Variants in FRY observed in about 807,000 individuals in gnomAD.
The protein encoded by FRY is protein furry homolog.
A neutral mutation model predicts 348.4 loss-of-function variants in FRY; 128 were observed. The ratio of observed to expected loss-of-function variants is 0.37; its 90% CI spans 0.32 to 0.43. FRY has a LOEUF of 0.43. Among genes scored for constraint, FRY ranks in the 20% least tolerant of loss-of-function variants. FRY has a pLI of 1.00. For synonymous variants in FRY, 1,370 were observed against 1,374.7 expected, an observed-to-expected ratio of 1.00 and a Z score of 0.08; for missense variants, 2,736 against 3,695.2, an observed-to-expected ratio of 0.74 and a Z score of 6.73.
chr13:32,067,299 G>C (rs1874321009), intron 1 of FRY, among the ~76,000 whole-genome samples: 1 of 152,158 alleles, frequency 6.6e-6, no homozygotes, highest in South Asian at 2.1e-4. Context: ...GCCCAGAACA[G>C]AGACTAGGCC....
At position 32,078,907 on chromosome 13, in the gene FRY, G is replaced by T; in HGVS notation, c.144G>T (p.Pro48=). Residue 48 remains proline (P), a synonymous_variant, in exon 2 of 61, where the codon CCG becomes CCT. Transcript: ENST00000542859. ...PASGTHREKG[P]PTMLPINVDP... is the part of the protein sequence containing the mutation. ...CTGGCACGCACAGGGAGAAAGGGCC[G>T]CCAACCATGCTACCCATCAATGTGG... 6.2e-7 allele frequency: 1 copy of T among 1,613,898 alleles called. No individual in the cohort carries two copies. The highest frequency in any genetic ancestry group is 8.5e-7 in the Non-Finnish European group (1 of 1,179,834).
Position 32,173,541 on chromosome 13 carries a change from C to A in FRY, c.2326C>A (p.Gln776Lys). Residue 776 changes from glutamine to lysine, a missense_variant, in exon 19 of 61, where the codon CAG (glutamine) becomes AAG (lysine). Coordinates refer to ENST00000542859, the MANE Select transcript of FRY (RefSeq NM_023037.3). ...TCGAGCGTTGTTTATTGCCCTGGGG[C>A]AGCCTGAGGTATGGATTAGTCTTCT... is the stretch of plus-strand genomic sequence containing the variant. ...EIRALFIALG[Q>K]PEDDDRPMID... The A allele has an allele frequency of 6.2e-7, 1 of 1,612,362 alleles. No individual in the cohort carries two copies. The highest frequency in any genetic ancestry group is 8.5e-7 in the Non-Finnish European group (1 of 1,178,752).
At chr13:32,172,750 C>T (rs889476924) in intron 18 of FRY, among the ~76,000 whole-genome samples, 1 of 152,070 alleles carries the variant, frequency 6.6e-6, no homozygotes, top group African/African-American at 2.4e-5. Context: ...TTCTCCCTTC[C>T]CTGTGTTGTA....
intron 3 of FRY, among the ~76,000 whole-genome samples, chr13:32,107,522 T>G (rs192987071): frequency 7.2e-5 from 11 of 152,206 alleles, no homozygotes; most frequent in African/African-American, 2.4e-4. Flanking sequence ...TTTCACAAAC[T>G]TCAGGAATAT....
rs748056145 is a variant in FRY, at chr13:32,239,227, C to A, written c.6419-25C>A. 1.9e-5 allele frequency: 25 copies of A among 1,336,724 alleles called. No homozygotes were observed. Among genetic ancestry groups the A allele is most frequent in the Admixed American group, 8.4e-5 (5 of 59,652 alleles). 82.8% of individuals were successfully genotyped at this position (1,336,724 alleles called of 1,614,324 possible). A position where few individuals can be genotyped will look rare whatever the true frequency, so the allele number is the denominator to read the frequency against. On this transcript the variant is annotated intron_variant, in intron 44 of 60. Transcript: ENST00000542859. The surrounding 1 kb of genome is among the most constrained non-coding windows in gnomAD (Gnocchi z 4.3). ...GCTAAAATATACCATATTCAGCTAT[C>A]TCCATTGTATCTTCTCTAATCCAGG... is the stretch of plus-strand genomic sequence containing the variant.
chr13:32,156,601 CAAAA>C (rs60522324), intron 15 of FRY, among the ~76,000 whole-genome samples: 29,380 of 112,180 alleles, frequency 0.26, 2,972 homozygotes, highest in Middle Eastern at 0.38. Context: ...AGCTCCATCT[CAAAA>C]AAAAAAAAAA....
rs778418931 is a variant in FRY, at chr13:32,147,872, C to G, written c.1317C>G (p.Pro439=). 1.2e-6 allele frequency: 2 copies of G among 1,611,026 alleles called. No homozygotes were observed. The highest frequency in any genetic ancestry group is 2.2e-5 in the South Asian group (2 of 91,010). Residue 439 remains proline (P), a synonymous_variant, in exon 13 of 61, where the codon CCC becomes CCG. Coordinates refer to ENST00000542859, the MANE Select transcript of FRY (RefSeq NM_023037.3). ...RLITIITTLF[P]KGSRGVVPRD... is the part of the protein sequence containing the mutation. ...TAACCATCATCACAACACTTTTCCC[C>G]AAAGGGTCCCGCGGTGTGGTACCAA...
chr13:32,237,716 G>T lies in FRY; in HGVS notation c.6148G>T (p.Ala2050Ser). The T allele has an allele frequency of 6.2e-7, 1 of 1,614,140 alleles. No individual in the cohort carries two copies. Among genetic ancestry groups the T allele is most frequent in the South Asian group, 1.1e-5 (1 of 91,078 alleles). ...LLATIFWVTV[A>S]LMESDFEFEY... ...GGCCACCATATTCTGGGTCACAGTG[G>T]CCTTGATGGAGTCTGATTTTGAGTT... The change falls in exon 44 of 61, where the codon GCC (alanine) becomes TCC (serine). Residue 2050 changes from alanine to serine, a missense_variant. Physicochemically the swap from Ala to Ser is moderately conservative, Grantham distance 99 (BLOSUM62 1). This residue lies in a region of FRY where 789 missense variants were observed against 996.2 expected (regional missense o/e 0.79). Transcript: ENST00000542859. The surrounding 1 kb of genome is among the most constrained non-coding windows in gnomAD (Gnocchi z 6.3).
rs761472524 is a variant in FRY at position 32,267,204 on chromosome 13, C to T, written c.7981C>T (p.Pro2661Ser). 3 of 1,614,052 alleles carry T rather than the reference C, an allele frequency of 1.9e-6. No homozygotes were observed. Among genetic ancestry groups the T allele is most frequent in the Non-Finnish European group, 2.5e-6 (3 of 1,180,022 alleles). ...GEGDRGVSPP[P>S]SPFFSAILAA... is the part of the protein sequence containing the mutation. ...AGGTGACAGGGGAGTCTCTCCCCCT[C>T]CCTCGCCCTTCTTCTCAGCCATCCT... The change falls in exon 55 of 61, where the codon CCC (proline) becomes TCC (serine). Residue 2661 changes from proline to serine, a missense_variant. Pro to Ser is a moderately conservative substitution (Grantham distance 74, BLOSUM62 -1). Coordinates refer to ENST00000542859, the MANE Select transcript of FRY (RefSeq NM_023037.3).
intron 15 of FRY, 66 bp from the exon 16 acceptor site, chr13:32,157,207 A>G: frequency 6.9e-7 from 1 of 1,450,146 alleles, no homozygotes; most frequent in African/African-American, 1.4e-5. Context: ...ATTATAGAGG[A>G]TGAATAAATC....
chr13:32,098,444 G>A (rs565463581), intron 2 of FRY, among the ~76,000 whole-genome samples: 1 of 152,052 alleles, frequency 6.6e-6, no homozygotes, highest in East Asian at 1.9e-4. Context: ...GGTGCTCGGT[G>A]CCTCACTCAT....
chr13:32,220,248 A>G (rs1363585123), intron 36 of FRY, among the ~76,000 whole-genome samples: 1 of 152,216 alleles, frequency 6.6e-6, no homozygotes, highest in South Asian at 2.1e-4. Flanking sequence ...GGTAGTTCCA[A>G]TAAGGCCACA....
intron 41 of FRY, among the ~76,000 whole-genome samples, chr13:32,232,723 A>C (rs747983379): frequency 1.8e-4 from 28 of 152,204 alleles, no homozygotes; most frequent in Non-Finnish European, 3.2e-4. Context: ...TCCACATCCC[A>C]TGGGCCAGAA....
Position 32,185,772 on chromosome 13 carries a change from C to T in FRY, c.3320-488C>T, listed in dbSNP as rs574041146. Among the ~76,000 whole-genome samples, 3 of 152,262 alleles carry T rather than the reference C, an allele frequency of 2.0e-5. No individual in the cohort carries two copies. In the South Asian group the frequency reaches 6.2e-4, roughly 32 times the overall value. ...TATCAACTAATATTTCCGCTTTTCGCTATTTTGATGTTAATAACCTTCTTT... is the reference window on the plus strand; with the variant it reads ...TATCAACTAATATTTCCGCTTTTCGTTATTTTGATGTTAATAACCTTCTTT... On this transcript the variant is annotated intron_variant, in intron 26 of 60. Coordinates refer to ENST00000542859, the MANE Select transcript of FRY (RefSeq NM_023037.3).
rs1174489680 is a variant in FRY, at chr13:32,136,879, C to T, written c.1086C>T (p.Tyr362=). ...SSRKKHSLAL[Y]PLVTCLLCVS... ...CTCTCCTTTCTCCTCAGGCCTTGTA[C>T]CCCCTGGTGACCTGTTTGCTCTGTG... Residue 362 remains tyrosine, a synonymous_variant, in exon 11 of 61, where the codon TAC becomes TAT. Coordinates refer to ENST00000542859, the MANE Select transcript of FRY (RefSeq NM_023037.3). 3 of 1,586,708 alleles carry T rather than the reference C, an allele frequency of 1.9e-6. No homozygotes were observed. Among genetic ancestry groups the T allele is most frequent in the Non-Finnish European group, 1.7e-6 (2 of 1,155,040 alleles).
intron 2 of FRY, among the ~76,000 whole-genome samples, chr13:32,095,350 T>C: frequency 8.2e-6 from 1 of 121,912 alleles, no homozygotes; most frequent in East Asian, 2.2e-4. Flanking sequence ...TTTTTTTTTT[T>C]TTTTTTTTTT....
chr13:32,232,091 A>C (rs999058863), intron 41 of FRY, among the ~76,000 whole-genome samples: 2 of 152,256 alleles, frequency 1.3e-5, no homozygotes, highest in Non-Finnish European at 2.9e-5. Context: ...CTAGGAATAG[A>C]CTTCCGTTTC....
intron 17 of FRY, among the ~76,000 whole-genome samples, chr13:32,170,523 GTTTGT>G (rs773290355): frequency 3.9e-5 from 6 of 152,224 alleles, no homozygotes; most frequent in South Asian, 2.1e-4. Flanking sequence ...AAAATTAGAA[GTTTGT>G]TTTGTTTTGT....
Position 32,295,567 on chromosome 13 carries a change from C to A in FRY, c.*107C>A, listed in dbSNP as rs1214535299. ...TCAAAAGGCTTGGACAGACTGTTCT[C>A]CCTCTTGTTACCTGTAGGGCTTTTT... On this transcript the variant is annotated 3_prime_UTR_variant, in exon 61 of 61. Transcript: ENST00000542859. The A allele has an allele frequency of 1.6e-5, 17 of 1,067,096 alleles. No homozygotes were observed. Among genetic ancestry groups the A allele is most frequent in the East Asian group, 2.4e-5 (1 of 42,010 alleles). 66.1% of individuals were successfully genotyped at this position (1,067,096 alleles called of 1,614,324 possible).
Sources: allele counts gnomAD v4.1 joint callset (sites outside exome capture counted in the v4.1 genomes callset), GRCh38; gene constraint gnomAD v4.1.1; regional missense constraint gnomAD v4.1.1; non-coding constraint Gnocchi (gnomAD v3.1); transcripts MANE v1.5; gene names NCBI Gene and HGNC (gene_info 2026-07-23, HGNC 2026-07-21).